Variants in PFKFB3 observed in about 807,000 individuals in gnomAD.
PFKFB3 encodes 6-phosphofructo-2-kinase/fructose-2,6-bisphosphatase 3.
Under a neutral mutation model 68.0 loss-of-function variants are expected in PFKFB3, and 33 were observed. That is an observed-to-expected ratio of 0.49 (90% CI 0.37 to 0.65). The LOEUF is 0.65. PFKFB3 is among the 30% of genes least tolerant of loss of function. The pLI is 0.00. For synonymous variants in PFKFB3, 315 were observed against 288.2 expected, an observed-to-expected ratio of 1.09 and a Z score of -0.94; for missense variants, 586 against 712.2, an observed-to-expected ratio of 0.82 and a Z score of 2.02.
intron 1 of PFKFB3, among the ~76,000 whole-genome samples, chr10:6,184,227 A>C (rs927206257): frequency 6.6e-6 from 1 of 151,236 alleles, no homozygotes; most frequent in Admixed American, 6.6e-5. Context: ...TAATTTTTGT[A>C]TTTTTAGTAG....
chr10:6,271,184 G>T, the PFKFB3 span, among the ~76,000 whole-genome samples: 14 of 152,226 alleles, frequency 9.2e-5, no homozygotes, highest in Non-Finnish European at 2.1e-4. Flanking sequence ...GATTCTTCCA[G>T]AACACCAGTG....
chr10:6,198,988 T>C (rs539816726), upstream of PFKFB3, among the ~76,000 whole-genome samples: 12 of 152,370 alleles, frequency 7.9e-5, no homozygotes, highest in South Asian at 2.1e-4. Context: ...TGACATTGTG[T>C]GGATAGTCTC....
chr10:6,148,773 C>G (rs558822478), intron 1 of PFKFB3, among the ~76,000 whole-genome samples: 1 of 152,146 alleles, frequency 6.6e-6, no homozygotes, highest in Non-Finnish European at 1.5e-5. Context: ...GCAAGAACTT[C>G]TCTCCTTAGA....
the PFKFB3 span, among the ~76,000 whole-genome samples, chr10:6,278,380 A>G: frequency 6.6e-6 from 1 of 151,448 alleles, no homozygotes; most frequent in Non-Finnish European, 1.5e-5. Context: ...GGTTCAAACA[A>G]TTCTCCTGCT....
intron 1 of PFKFB3, among the ~76,000 whole-genome samples, chr10:6,177,438 C>CTTTCTCTTTCTTTCTTTCTT (rs1554842946): frequency 3.5e-5 from 3 of 86,630 alleles, no homozygotes; most frequent in African/African-American, 1.3e-4. Context: ...TCTTTTCTTT[C>CTTTCTCTTTCTTTCTTTCTT]TCTTTCTTTC....
Position 6,233,002 on chromosome 10 carries a change from C to G in PFKFB3, c.*60C>G. 1 of 1,353,094 alleles carries G rather than the reference C, an allele frequency of 7.4e-7. No individual in the cohort carries two copies. Among genetic ancestry groups the G allele is most frequent in the Non-Finnish European group, 1.1e-6 (1 of 942,550 alleles). The allele number at this position is 1,353,094 out of a possible 1,614,324, so 83.8% of individuals were successfully genotyped here. A position where few individuals can be genotyped will look rare whatever the true frequency, so the allele number is the denominator to read the frequency against. ...TGCAGCTTAGCTTGTGTCCTGCCCTCCGCCCGAGGCAAAACGTATCCTGAG... is the reference window on the plus strand; with the variant it reads ...TGCAGCTTAGCTTGTGTCCTGCCCTGCGCCCGAGGCAAAACGTATCCTGAG... On this transcript the variant is annotated 3_prime_UTR_variant, in exon 15 of 15. Coordinates refer to ENST00000379775, the MANE Select transcript of PFKFB3 (RefSeq NM_004566.4).
chr10:6,231,180 ACAC>A, intron 14 of PFKFB3: 8 of 989,806 alleles, frequency 8.1e-6, no homozygotes, highest in Non-Finnish European at 1.3e-5. Flanking sequence ...TTTCAAATGC[ACAC>A]TAGAAAATCC....
chr10:6,156,235 C>T (rs1445305153), intron 1 of PFKFB3, among the ~76,000 whole-genome samples: 1 of 151,754 alleles, frequency 6.6e-6, no homozygotes, highest in Non-Finnish European at 1.5e-5. Context: ...CTCACTGCAA[C>T]CTCCACCTCC....
At chr10:6,277,133 G>A in the PFKFB3 span, among the ~76,000 whole-genome samples, 21 of 152,296 alleles carry the variant, frequency 1.4e-4, no homozygotes, top group African/African-American at 5.1e-4. Context: ...CAGATCTCAT[G>A]TTGAAATGTA....
chr10:6,279,738 A>G, the PFKFB3 span, among the ~76,000 whole-genome samples: 2 of 152,224 alleles, frequency 1.3e-5, no homozygotes, highest in Non-Finnish European at 2.9e-5. Flanking sequence ...GGAGGTGAAC[A>G]AAATTTCCAG....
the PFKFB3 span, chr10:6,294,045 A>G: frequency 1.9e-6 from 1 of 521,930 alleles, no homozygotes; most frequent in South Asian, 1.4e-5. Flanking sequence ...TATAGGAGCC[A>G]TTGTATAGTT....
intron 1 of PFKFB3, among the ~76,000 whole-genome samples, chr10:6,159,800 C>T (rs1316720379): frequency 2.6e-5 from 4 of 151,930 alleles, no homozygotes; most frequent in Admixed American, 6.6e-5. Flanking sequence ...AACAGGGTCT[C>T]GGATTGTCAC....
At chr10:6,282,022 T>G in the PFKFB3 span, among the ~76,000 whole-genome samples, 1 of 151,526 alleles carries the variant, frequency 6.6e-6, no homozygotes, top group Non-Finnish European at 1.5e-5. Flanking sequence ...GCAGCGACTA[T>G]TCACAGGCAC....
At chr10:6,297,408 C>T in the PFKFB3 span, among the ~76,000 whole-genome samples, 2 of 152,314 alleles carry the variant, frequency 1.3e-5, no homozygotes, top group East Asian at 3.9e-4. Context: ...CATCCGTGAG[C>T]ACTTTGTGTG....
At chr10:6,209,001 A>G (rs189625337) in intron 1 of PFKFB3, among the ~76,000 whole-genome samples, 36 of 152,342 alleles carry the variant, frequency 2.4e-4, no homozygotes, top group Non-Finnish European at 4.3e-4. Flanking sequence ...CTTAGCCCAA[A>G]GGCACTACTC....
At chr10:6,284,019 G>C in the PFKFB3 span, among the ~76,000 whole-genome samples, 120,649 of 152,130 alleles carry the variant, frequency 0.79, 49,553 homozygotes, top group Non-Finnish European at 0.93. Context: ...CTCTCCTTGT[G>C]AGTTGACTCA....
chr10:6,178,860 A>G (rs1259883715), intron 1 of PFKFB3, among the ~76,000 whole-genome samples: 1 of 152,164 alleles, frequency 6.6e-6, no homozygotes, highest in Non-Finnish European at 1.5e-5. Context: ...GACGCAGCGC[A>G]CTGGTCCCTA....
the PFKFB3 span, among the ~76,000 whole-genome samples, chr10:6,309,037 T>TA: frequency 5.9e-5 from 9 of 151,414 alleles, no homozygotes; most frequent in Non-Finnish European, 1.0e-4. Flanking sequence ...ACTGCACAAA[T>TA]AAAAAAAAGA....
chr10:6,207,303 C>T (rs536938038), intron 1 of PFKFB3, among the ~76,000 whole-genome samples: 1 of 152,146 alleles, frequency 6.6e-6, no homozygotes, highest in African/African-American at 2.4e-5. Context: ...TCAGGCGTGG[C>T]GGCGCCTCCT....
Sources: allele counts gnomAD v4.1 joint callset (sites outside exome capture counted in the v4.1 genomes callset), GRCh38; gene constraint gnomAD v4.1.1; transcripts MANE v1.5; gene names NCBI Gene and HGNC (gene_info 2026-07-23, HGNC 2026-07-21).